TM2D1: variants seen among roughly 807,000 people sequenced by gnomAD.
TM2D1 encodes TM2 domain-containing protein 1.
Under a neutral mutation model 28.4 loss-of-function variants are expected in TM2D1, and 15 were observed. That is an observed-to-expected ratio of 0.53 (90% CI 0.35 to 0.81). TM2D1 has a LOEUF of 0.81. TM2D1 is among the 40% of genes least tolerant of loss of function. The probability of loss-of-function intolerance (pLI) is 0.01; values close to 1 mark genes in which losing one functional copy is unlikely to be tolerated. For synonymous variants in TM2D1, 93 were observed against 96.2 expected, an observed-to-expected ratio of 0.97 and a Z score of 0.20; for missense variants, 236 against 254.9, an observed-to-expected ratio of 0.93 and a Z score of 0.50.
intron 4 of TM2D1, among the ~76,000 whole-genome samples, chr1:61,696,636 T>C (rs1300855849): frequency 6.6e-6 from 1 of 152,112 alleles, no homozygotes; most frequent in Non-Finnish European, 1.5e-5. Context: ...CCATGAAGAA[T>C]AGGTAATCAC....
rs1306295659 is a variant in TM2D1 at position 61,723,789 on chromosome 1, A to T, written c.165-3T>A. 2.2e-5 allele frequency: 26 copies of T among 1,195,500 alleles called. No homozygotes were observed. Among genetic ancestry groups the T allele is most frequent in the Non-Finnish European group, 2.9e-5 (25 of 871,200 alleles). 74.1% of individuals were successfully genotyped at this position (1,195,500 alleles called of 1,614,324 possible). A position where few individuals can be genotyped will look rare whatever the true frequency, so the allele number is the denominator to read the frequency against. On this transcript the variant is annotated splice_region_variant and splice_polypyrimidine_tract_variant and intron_variant, in intron 1 of 6. Transcript: ENST00000606498. ...TTTTTGGATCTTTACAAATATATGTAAAAAAAAAAGTTAAGGAAATACGGA... is the reference window on the plus strand; with the variant it reads ...TTTTTGGATCTTTACAAATATATGTTAAAAAAAAAGTTAAGGAAATACGGA...
intron 2 of TM2D1, among the ~76,000 whole-genome samples, chr1:61,710,473 T>TAC (rs770499881): frequency 0.058 from 5,126 of 88,286 alleles, 121 homozygotes; most frequent in Non-Finnish European, 0.069. Context: ...CATATATATA[T>TAC]ATACACACAC....
At chr1:61,700,848 TAC>T (rs760790735) in intron 4 of TM2D1, 84 bp downstream of exon 4, 5 of 944,440 alleles carry the variant, frequency 5.3e-6, no homozygotes, top group African/African-American at 5.0e-5. Context: ...TTATAATAAA[TAC>T]ACAGAGATTT....
At chr1:61,709,126 C>A (rs1644459975) in intron 3 of TM2D1, among the ~76,000 whole-genome samples, 1 of 152,118 alleles carries the variant, frequency 6.6e-6, no homozygotes, top group Non-Finnish European at 1.5e-5. Flanking sequence ...GATCATGCCA[C>A]TGCACTCCAG....
intron 5 of TM2D1, among the ~76,000 whole-genome samples, chr1:61,684,927 G>A (rs893915778): frequency 1.1e-4 from 17 of 152,250 alleles, no homozygotes; most frequent in African/African-American, 3.1e-4. Flanking sequence ...ACAGGTGGGC[G>A]CCATCACGCC....
chr1:61,702,171 CAG>C (rs1178576799), intron 3 of TM2D1, among the ~76,000 whole-genome samples: 1 of 151,772 alleles, frequency 6.6e-6, no homozygotes, highest in African/African-American at 2.4e-5. Flanking sequence ...GCCTGGGTGA[CAG>C]AGTGAGACTC....
intron 2 of TM2D1, among the ~76,000 whole-genome samples, chr1:61,714,567 G>A (rs868792034): frequency 2.4e-4 from 37 of 152,168 alleles, no homozygotes; most frequent in African/African-American, 7.7e-4. Context: ...CCTTTCTTTC[G>A]CTTTATTTTT....
chr1:61,720,747 C>T (rs1171839557), intron 2 of TM2D1, among the ~76,000 whole-genome samples: 1 of 152,120 alleles, frequency 6.6e-6, no homozygotes, highest in East Asian at 1.9e-4. Context: ...TAAATACTTT[C>T]TCAATAAACA....
chr1:61,713,243 C>T (rs1371885967), intron 2 of TM2D1, among the ~76,000 whole-genome samples: 1 of 151,654 alleles, frequency 6.6e-6, no homozygotes, highest in Non-Finnish European at 1.5e-5. Context: ...TTTGGGAGGC[C>T]GAGGCAGGTG....
chr1:61,692,084 C>G (rs536033662), intron 5 of TM2D1, among the ~76,000 whole-genome samples: 1 of 150,144 alleles, frequency 6.7e-6, no homozygotes, highest in South Asian at 2.1e-4. Flanking sequence ...AGATGGTATG[C>G]TATACATGTA....
intron 2 of TM2D1, among the ~76,000 whole-genome samples, chr1:61,710,865 T>TA (rs1359236326): frequency 6.6e-6 from 1 of 152,016 alleles, no homozygotes; most frequent in Admixed American, 6.6e-5. Flanking sequence ...AAACGATGGT[T>TA]AAAAAAACAA....
In TM2D1 at chr1:61,724,791, A is replaced by G. The variant is rs368243526; in HGVS notation, c.164+166T>C. 1.5e-3 allele frequency: 1,090 copies of G among 727,216 alleles called. 35 individuals carry two copies. The South Asian group carries it at 0.044, about 30-fold the overall frequency. 45.0% of individuals were successfully genotyped at this position (727,216 alleles called of 1,614,324 possible). On this transcript the variant is annotated intron_variant, in intron 1 of 6. Coordinates refer to ENST00000606498, the MANE Select transcript of TM2D1 (RefSeq NM_032027.3). Reference sequence around the variant, plus strand: ...ACAAAGGGTGGCCTCTGGCCCTCCCATCTCCACAACTCTGTTCACCTTCAG... The same window carrying G: ...ACAAAGGGTGGCCTCTGGCCCTCCCGTCTCCACAACTCTGTTCACCTTCAG...
chr1:61,697,316 T>G (rs1212277506), intron 4 of TM2D1, among the ~76,000 whole-genome samples: 1 of 152,022 alleles, frequency 6.6e-6, no homozygotes, highest in Non-Finnish European at 1.5e-5. Context: ...TTCTTTTCTT[T>G]TTTTCTTTCC....
chr1:61,688,805 G>A (rs1410086209), intron 5 of TM2D1, among the ~76,000 whole-genome samples: 1 of 150,042 alleles, frequency 6.7e-6, no homozygotes, highest in African/African-American at 2.4e-5. Flanking sequence ...AGCACTGTGG[G>A]AGGTTGAGCC....
intron 5 of TM2D1, among the ~76,000 whole-genome samples, chr1:61,685,409 G>A (rs1387389076): frequency 6.6e-6 from 1 of 152,172 alleles, no homozygotes; most frequent in Non-Finnish European, 1.5e-5. Context: ...AAAAATATGT[G>A]GAGAGTATGG....
intron 4 of TM2D1, among the ~76,000 whole-genome samples, chr1:61,695,092 T>C (rs865891847): frequency 1.2e-4 from 19 of 152,108 alleles, no homozygotes; most frequent in Admixed American, 5.9e-4. Context: ...ACACCAGAGT[T>C]ACATCTTTTA....
At chr1:61,695,856 A>G (rs1019152806) in intron 4 of TM2D1, among the ~76,000 whole-genome samples, 5 of 152,234 alleles carry the variant, frequency 3.3e-5, no homozygotes, top group Non-Finnish European at 7.3e-5. Flanking sequence ...TCCTCAAAAC[A>G]TTCACTTACC....
intron 6 of TM2D1, 40 bp downstream of exon 6, chr1:61,683,377 T>C: frequency 4.7e-6 from 3 of 638,476 alleles, no homozygotes; most frequent in South Asian, 8.2e-5. Flanking sequence ...ATGAATAATA[T>C]ACCACTATAA....
At position 61,681,130 on chromosome 1, in the gene TM2D1, T is replaced by C. The variant is rs1644240686; in HGVS notation, c.*240A>G. The C allele has an allele frequency of 6.5e-6, 1 of 153,548 alleles. No individual in the cohort carries two copies. The highest frequency in any genetic ancestry group is 2.4e-5 in the African/African-American group (1 of 41,382). The allele number at this position is 153,548 out of a possible 1,614,324, so 9.5% of individuals were successfully genotyped here. On this transcript the variant is annotated 3_prime_UTR_variant, in exon 7 of 7. Transcript: ENST00000606498. ...TGTAAAAGATTAAAGAGTATCAGAG[T>C]AATAAGCTATCTCTCATAGAGACAG...
Sources: gnomAD v4.1 joint callset for allele counts (sites outside exome capture counted in the v4.1 genomes callset) on GRCh38, gnomAD v4.1.1 for gene constraint, MANE v1.5 for transcripts, NCBI Gene and HGNC (gene_info 2026-07-23, HGNC 2026-07-21) for gene names.